Variants in CLDN16 observed in about 807,000 individuals in gnomAD.
The protein encoded by CLDN16 is claudin-16.
Under a neutral mutation model 24.6 loss-of-function variants are expected in CLDN16, and 13 were observed. The ratio of observed to expected loss-of-function variants is 0.53; its 90% CI spans 0.34 to 0.84. CLDN16 has a LOEUF of 0.84. CLDN16 is among the 40% of genes least tolerant of loss of function. CLDN16 has a pLI of 0.01. For missense variants in CLDN16, 298 were observed against 292.7 expected, an observed-to-expected ratio of 1.02 and a Z score of -0.13; for synonymous variants, 116 against 106.7, an observed-to-expected ratio of 1.09 and a Z score of -0.54.
At chr3:190,322,599 C>G (rs755832514) in exon 1 of CLDN16, 27 of 304,900 alleles carry the variant, frequency 8.9e-5, no homozygotes, top group Admixed American at 2.0e-4. Context: ...GGGGACCACC[C>G]GGCAGGACCA....
rs541265402 is a variant in CLDN16, at chr3:190,380,753, G to A, written n.306+6150G>A. 3.9e-5 allele frequency among the ~76,000 whole-genome samples: 6 copies of A among 151,982 alleles called. No homozygotes were observed. The South Asian group carries it at 1.0e-3, about 26-fold the overall frequency. ...GATCGCGCCATTGCACTCCAGCCTGGGCGACAAGAGTAAAACTCCATCTAA... is the reference window on the plus strand; with the variant it reads ...GATCGCGCCATTGCACTCCAGCCTGAGCGACAAGAGTAAAACTCCATCTAA... On this transcript the variant is annotated intron_variant and non_coding_transcript_variant, in intron 3 of 4. Coordinates refer to the CLDN16 transcript ENST00000468220.
At chr3:190,389,368 A>G (rs900392094) in intron 1 of CLDN16, among the ~76,000 whole-genome samples, 3 of 152,260 alleles carry the variant, frequency 2.0e-5, no homozygotes, top group African/African-American at 7.2e-5. Flanking sequence ...AATTTACCCT[A>G]GCAAATGCTA....
chr3:190,348,735 G>A (rs755927617), intron 1 of CLDN16, among the ~76,000 whole-genome samples: 12 of 152,116 alleles, frequency 7.9e-5, no homozygotes, highest in Non-Finnish European at 1.8e-4. Flanking sequence ...TGTCATGGGG[G>A]TTTGTTGTAC....
chr3:190,316,930 C>G, the CLDN16 span, among the ~76,000 whole-genome samples: 186 of 152,256 alleles, frequency 1.2e-3, no homozygotes, highest in African/African-American at 4.3e-3. Context: ...TAACTAGAAA[C>G]TCATGCAGAT....
intron 1 of CLDN16, among the ~76,000 whole-genome samples, chr3:190,398,219 T>C (rs1435738082): frequency 6.6e-6 from 1 of 152,224 alleles, no homozygotes; most frequent in Non-Finnish European, 1.5e-5. Context: ...TTTCCTATAG[T>C]TGCCGTAACA....
At chr3:190,404,991 G>C in intron 3 of CLDN16, 65 bp downstream of exon 3, 1 of 1,519,974 alleles carries the variant, frequency 6.6e-7, no homozygotes, top group Non-Finnish European at 9.1e-7. Context: ...AGGTGAAGGA[G>C]AGAGTTGTGC....
intron 1 of CLDN16, among the ~76,000 whole-genome samples, chr3:190,353,913 G>A (rs1224107170): frequency 2.6e-5 from 4 of 151,962 alleles, no homozygotes; most frequent in Non-Finnish European, 4.4e-5. Context: ...AAATTTGTTC[G>A]CTCCCAATTC....
At chr3:190,301,222 C>T in the CLDN16 span, among the ~76,000 whole-genome samples, 2 of 152,078 alleles carry the variant, frequency 1.3e-5, no homozygotes, top group African/African-American at 2.4e-5. Context: ...AGGTTGGGTG[C>T]GGTGACTCAT....
chr3:190,322,535 C>A, upstream of CLDN16: 2 of 313,884 alleles, frequency 6.4e-6, no homozygotes, highest in South Asian at 3.7e-5. Flanking sequence ...TTCAGGGCGG[C>A]TCACCGAGAG....
chr3:190,342,833 A>G (rs1160511115), intron 1 of CLDN16, among the ~76,000 whole-genome samples: 1 of 152,192 alleles, frequency 6.6e-6, no homozygotes, highest in Non-Finnish European at 1.5e-5. Context: ...AGACTTAAAC[A>G]TAAGAAATGA....
At chr3:190,313,104 C>A in the CLDN16 span, 3 of 1,555,572 alleles carry the variant, frequency 1.9e-6, 1 homozygote. Flanking sequence ...GGAAGAAGAC[C>A]AAGTATATGT....
chr3:190,353,028 T>A (rs1325377680), intron 1 of CLDN16, among the ~76,000 whole-genome samples: 3 of 152,038 alleles, frequency 2.0e-5, no homozygotes, highest in Non-Finnish European at 4.4e-5. Flanking sequence ...CTTAATAAAA[T>A]ACGCAACCAA....
the CLDN16 span, among the ~76,000 whole-genome samples, chr3:190,290,652 A>G: frequency 6.6e-6 from 1 of 152,232 alleles, no homozygotes; most frequent in Non-Finnish European, 1.5e-5. Flanking sequence ...AGCAATGAGT[A>G]TCTTAAAATA....
the CLDN16 span, chr3:190,310,387 G>T: frequency 1.5e-6 from 1 of 668,676 alleles, no homozygotes. Context: ...TTTGGTATTA[G>T]GGAGATTAGA....
chr3:190,336,566 A>T (rs1446615183), intron 1 of CLDN16, among the ~76,000 whole-genome samples: 1 of 152,254 alleles, frequency 6.6e-6, no homozygotes, highest in Admixed American at 6.5e-5. Flanking sequence ...GCCCTGAGCA[A>T]GAAAGGGCAT....
intron 1 of CLDN16, among the ~76,000 whole-genome samples, chr3:190,369,457 G>A (rs1718087931): frequency 6.6e-6 from 1 of 151,854 alleles, no homozygotes. Flanking sequence ...TGATTACCAT[G>A]TCATTTTTAT....
At chr3:190,310,855 C>T in the CLDN16 span, among the ~76,000 whole-genome samples, 2 of 152,270 alleles carry the variant, frequency 1.3e-5, no homozygotes, top group Admixed American at 1.3e-4. Context: ...TCAATTTATG[C>T]AACCCAATCT....
intron 1 of CLDN16, among the ~76,000 whole-genome samples, chr3:190,389,063 T>C (rs768822273): frequency 2.0e-5 from 3 of 152,226 alleles, no homozygotes; most frequent in Non-Finnish European, 4.4e-5. Context: ...TGAGTTGCTC[T>C]AGGGAACTGA....
intron 3 of CLDN16, among the ~76,000 whole-genome samples, chr3:190,379,975 G>GTCTATCTATTTATCTATCTA (rs60043315): frequency 0.058 from 8,635 of 149,064 alleles, 364 homozygotes; most frequent in East Asian, 0.18. Context: ...TATCAACTCT[G>GTCTATCTATTTATCTATCTA]TCTATCTATC....
Sources: gnomAD v4.1 joint callset for allele counts (sites outside exome capture counted in the v4.1 genomes callset) on GRCh38, gnomAD v4.1.1 for gene constraint, MANE v1.5 for transcripts, NCBI Gene and HGNC (gene_info 2026-07-23, HGNC 2026-07-21) for gene names.